OXR1: variants seen among roughly 807,000 people sequenced by gnomAD.
OXR1 encodes oxidation resistance 1.
Under a neutral mutation model 104.6 loss-of-function variants are expected in OXR1, and 41 were observed. That is an observed-to-expected ratio of 0.39 (90% CI 0.31 to 0.51). The LOEUF (loss-of-function observed/expected upper bound fraction) is 0.51, where lower values mean the gene tolerates loss of function less well. OXR1 is among the 20% of genes least tolerant of loss of function. OXR1 has a pLI of 0.77. For missense variants in OXR1, 955 were observed against 1,031.9 expected, an observed-to-expected ratio of 0.93 and a Z score of 1.02; for synonymous variants, 348 against 348.4, an observed-to-expected ratio of 1.00 and a Z score of 0.01.
chr8:106,564,221 T>C (rs2130513936), intron 3 of OXR1, among the ~76,000 whole-genome samples: 1 of 152,026 alleles, frequency 6.6e-6, no homozygotes, highest in Admixed American at 6.6e-5. Context: ...ATTAACAAAA[T>C]TGATAGACCG....
chr8:106,571,301 G>A (rs1817451939), intron 3 of OXR1, among the ~76,000 whole-genome samples: 1 of 151,996 alleles, frequency 6.6e-6, no homozygotes, highest in African/African-American at 2.4e-5. Context: ...TCTTGTGAAG[G>A]CTCTCTTCCT....
At chr8:106,292,760 G>A (rs763909918) in intron 1 of OXR1, among the ~76,000 whole-genome samples, 4 of 152,146 alleles carry the variant, frequency 2.6e-5, no homozygotes, top group Admixed American at 6.5e-5. Flanking sequence ...AAGAAGACAG[G>A]GAGGCACCAG....
intron 1 of OXR1, among the ~76,000 whole-genome samples, chr8:106,317,829 T>C (rs1359292570): frequency 1.3e-5 from 2 of 152,006 alleles, no homozygotes; most frequent in African/African-American, 2.4e-5. Flanking sequence ...GGAGAGTTTG[T>C]ATTGTTCTTC....
At chr8:106,578,068 A>AT (rs1290851639) in intron 3 of OXR1, among the ~76,000 whole-genome samples, 2 of 152,180 alleles carry the variant, frequency 1.3e-5, no homozygotes, top group Non-Finnish European at 1.5e-5. Context: ...CACATTTAAC[A>AT]TAAAATTATG....
intron 6 of OXR1, among the ~76,000 whole-genome samples, chr8:106,690,572 G>A (rs191561546): frequency 1.3e-4 from 19 of 149,852 alleles, no homozygotes; most frequent in African/African-American, 4.6e-4. Context: ...ATTACTAGAT[G>A]AGAGTTTTTT....
intron 3 of OXR1, among the ~76,000 whole-genome samples, chr8:106,639,365 A>G (rs986881744): frequency 6.6e-6 from 1 of 152,188 alleles, no homozygotes; most frequent in Non-Finnish European, 1.5e-5. Context: ...CTTCCATAAA[A>G]CAATGGCCTT....
Position 106,499,816 on chromosome 8 carries a change from C to A in OXR1, c.24-19127C>A, listed in dbSNP as rs1176119609. Among the ~76,000 whole-genome samples, 4 of 152,308 alleles carry A rather than the reference C, an allele frequency of 2.6e-5. No homozygotes were observed. In the South Asian group the frequency reaches 6.2e-4, roughly 24 times the overall value. The stretch of plus-strand genomic sequence containing the variant: ...CAATACCCTTGAAGTCAAATAGGAG[C>A]ATGTGTGGTAGAAAAAAGACGTGTT... On this transcript the variant is annotated intron_variant, in intron 2 of 16. Coordinates refer to ENST00000517566, the MANE Select transcript of OXR1 (RefSeq NM_001198533.2).
rs1005768427 is a variant in OXR1 at position 106,528,895 on chromosome 8, A to G, written c.220+9756A>G. Among the ~76,000 whole-genome samples, 17 of 152,226 alleles carry G rather than the reference A, an allele frequency of 1.1e-4. 1 individual carries two copies. Among genetic ancestry groups the G allele is most frequent in the Admixed American group, 1.1e-3 (17 of 15,286 alleles). The stretch of plus-strand genomic sequence containing the variant: ...GTCACTGTCTATAAGCACAGAAACT[A>G]AAACACATAGCTGCTCTGAGGATTC... On this transcript the variant is annotated intron_variant, in intron 3 of 16. Transcript: ENST00000517566.
rs202069557 is a variant in OXR1, at chr8:106,494,219, G to T, written c.24-24724G>T. ...TGCCCCCTTCTACAGGCTTTTTCTTGCCAGATAATTCATTGCCCTCTAGGA... is the reference window on the plus strand; with the variant it reads ...TGCCCCCTTCTACAGGCTTTTTCTTTCCAGATAATTCATTGCCCTCTAGGA... On this transcript the variant is annotated intron_variant, in intron 2 of 16. Coordinates refer to ENST00000517566, the MANE Select transcript of OXR1 (RefSeq NM_001198533.2). Among the ~76,000 whole-genome samples the T allele has an allele frequency of 4.6e-5, 7 of 152,162 alleles. No individual in the cohort carries two copies. The East Asian group carries it at 1.2e-3, about 25-fold the overall frequency.
At chr8:106,511,488 C>A (rs535952178) in intron 2 of OXR1, among the ~76,000 whole-genome samples, 8 of 152,086 alleles carry the variant, frequency 5.3e-5, no homozygotes, top group Non-Finnish European at 1.2e-4. Context: ...GAGTGTTCGG[C>A]CTTTGGGGCA....
intron 1 of OXR1, among the ~76,000 whole-genome samples, chr8:106,324,697 C>T (rs890330061): frequency 2.6e-5 from 4 of 152,088 alleles, no homozygotes; most frequent in Admixed American, 2.6e-4. Flanking sequence ...GCTGAGCCCC[C>T]ATCTGTTGAG....
intron 3 of OXR1, among the ~76,000 whole-genome samples, chr8:106,603,423 C>T (rs1244637787): frequency 1.3e-5 from 2 of 152,018 alleles, no homozygotes; most frequent in Admixed American, 1.3e-4. Flanking sequence ...TTTCATCTGG[C>T]TTTTCTGTAT....
At chr8:106,374,429 T>C (rs1406449676) in intron 2 of OXR1, among the ~76,000 whole-genome samples, 1 of 152,228 alleles carries the variant, frequency 6.6e-6, no homozygotes, top group African/African-American at 2.4e-5. Flanking sequence ...AATTGTTCAA[T>C]ACCATCTAAC....
chr8:106,619,958 A>G (rs559725817), intron 3 of OXR1, among the ~76,000 whole-genome samples: 1 of 151,792 alleles, frequency 6.6e-6, no homozygotes, highest in South Asian at 2.1e-4. Flanking sequence ...CCTCCCTCCT[A>G]TGCCTTATAT....
At chr8:106,425,050 G>A (rs1228352744) in intron 2 of OXR1, among the ~76,000 whole-genome samples, 2 of 131,350 alleles carry the variant, frequency 1.5e-5, no homozygotes, top group Non-Finnish European at 3.3e-5. Context: ...ACTCTAATTT[G>A]TAGATATTTA....
chr8:106,271,805 G>T (rs1426627446), intron 1 of OXR1: 1 of 152,208 alleles, frequency 6.6e-6, no homozygotes, highest in Non-Finnish European at 1.5e-5. Context: ...GGCACTCTAA[G>T]GAGGACTCAG....
intron 2 of OXR1, 21 bp from the exon 3 acceptor site, chr8:106,518,922 T>C (rs1813059971): frequency 1.3e-6 from 2 of 1,516,624 alleles, no homozygotes; most frequent in African/African-American, 2.8e-5. Context: ...ATTCATAGCA[T>C]GTGGTCTTCT....
intron 1 of OXR1, among the ~76,000 whole-genome samples, chr8:106,341,569 A>G (rs1043859273): frequency 6.6e-6 from 1 of 152,092 alleles, no homozygotes; most frequent in African/African-American, 2.4e-5. Context: ...CATACACCAT[A>G]TATATATTTA....
chr8:106,389,479 A>G (rs1461081725), intron 2 of OXR1, among the ~76,000 whole-genome samples: 1 of 152,208 alleles, frequency 6.6e-6, no homozygotes, highest in African/African-American at 2.4e-5. Flanking sequence ...CTGTGTCTAT[A>G]GAGCCTAAAT....
Sources: gnomAD v4.1 joint callset for allele counts (sites outside exome capture counted in the v4.1 genomes callset) on GRCh38, gnomAD v4.1.1 for gene constraint, MANE v1.5 for transcripts, NCBI Gene and HGNC (gene_info 2026-07-23, HGNC 2026-07-21) for gene names.